Variants in ZNF827 observed in about 807,000 individuals in gnomAD.
ZNF827 encodes zinc finger protein 827.
ZNF827 carries 13 observed loss-of-function variants against 102.4 expected under a neutral mutation model. The observed-to-expected ratio is 0.13, with a 90% CI of 0.08 to 0.20. The LOEUF is 0.20. Among genes scored for constraint, ZNF827 ranks in the 10% least tolerant of loss-of-function variants. The pLI, the probability that ZNF827 is intolerant of heterozygous loss-of-function variation, is 1.00. For missense variants in ZNF827, 1,103 were observed against 1,344.4 expected (o/e 0.82, Z 2.81); for synonymous variants, 523 against 536.2 (o/e 0.98, Z 0.34).
intron 8 of ZNF827, among the ~76,000 whole-genome samples, chr4:145,796,623 CTT>C (rs34553120): frequency 3.5e-5 from 4 of 113,946 alleles, no homozygotes; most frequent in African/African-American, 7.3e-5. Context: ...ATTTGTTCCT[CTT>C]TTTTTTTTTT....
chr4:145,936,577 C>T (rs1278270188), intron 1 of ZNF827, among the ~76,000 whole-genome samples: 1 of 152,310 alleles, frequency 6.6e-6, no homozygotes, highest in East Asian at 1.9e-4. Context: ...CTCGCCACTT[C>T]GGCTGCGGCC....
At chr4:145,775,672 G>A in intron 10 of ZNF827, 117 bp downstream of exon 10, 2 of 1,262,616 alleles carry the variant, frequency 1.6e-6, no homozygotes, top group Non-Finnish European at 2.2e-6. Flanking sequence ...CTCAAATGAA[G>A]GCCAGGCTAT....
intron 4 of ZNF827, among the ~76,000 whole-genome samples, chr4:145,875,730 T>G (rs1416088966): frequency 6.6e-6 from 1 of 152,176 alleles, no homozygotes. Flanking sequence ...TGAACTGCTC[T>G]GTGAAAAAGC....
At chr4:145,869,776 T>C (rs765980794) in intron 5 of ZNF827, among the ~76,000 whole-genome samples, 1 of 152,218 alleles carries the variant, frequency 6.6e-6, no homozygotes, top group African/African-American at 2.4e-5. Flanking sequence ...AAATCTCTTA[T>C]TGCCACTCTA....
chr4:145,830,983 T>C (rs975120414), intron 7 of ZNF827: 2 of 152,242 alleles, frequency 1.3e-5, no homozygotes, highest in African/African-American at 4.8e-5. Flanking sequence ...TCAGGGCCAG[T>C]TGTCTTACTA....
intron 8 of ZNF827, among the ~76,000 whole-genome samples, chr4:145,805,721 T>C (rs1429832536): frequency 6.6e-6 from 1 of 152,180 alleles, no homozygotes; most frequent in African/African-American, 2.4e-5. Flanking sequence ...GTCCATGCTA[T>C]TTCAGATGAC....
At chr4:145,910,028 A>G (rs930669129) in intron 1 of ZNF827, among the ~76,000 whole-genome samples, 2 of 152,118 alleles carry the variant, frequency 1.3e-5, no homozygotes, top group African/African-American at 4.8e-5. Context: ...GTTATTTAAA[A>G]CTGCCAGGGT....
intron 4 of ZNF827, among the ~76,000 whole-genome samples, chr4:145,882,644 T>C (rs1201221206): frequency 1.3e-5 from 2 of 152,212 alleles, no homozygotes; most frequent in Non-Finnish European, 2.9e-5. Context: ...CTCCCCTTAA[T>C]AACCAGGCAA....
At chr4:145,839,884 C>G (rs1745251201) in intron 7 of ZNF827, among the ~76,000 whole-genome samples, 1 of 152,212 alleles carries the variant, frequency 6.6e-6, no homozygotes, top group African/African-American at 2.4e-5. Context: ...AGGCACAGCC[C>G]TCTTCAGATC....
intron 3 of ZNF827, among the ~76,000 whole-genome samples, chr4:145,888,063 T>C (rs1277398392): frequency 6.6e-6 from 1 of 152,246 alleles, no homozygotes; most frequent in Admixed American, 6.5e-5. Context: ...AAAAACCGTC[T>C]ATGTGCATGT....
rs541406340 is a variant in ZNF827 at position 145,908,344 on chromosome 4, C to T, written c.44-5129G>A. ...ACTTGAATTCTTAGGACTCACCTGG[C>T]ATAGGATTGGAGAGATGCTTTCTCA... On this transcript the variant is annotated intron_variant, in intron 1 of 14. Transcript: ENST00000508784. Among the ~76,000 whole-genome samples the T allele has an allele frequency of 1.5e-3, 235 of 152,302 alleles. 1 individual carries two copies. Among genetic ancestry groups the T allele is most frequent in the African/African-American group, 5.5e-3 (230 of 41,574 alleles).
chr4:145,869,015 T>C (rs1329551597), intron 5 of ZNF827, among the ~76,000 whole-genome samples: 1 of 152,246 alleles, frequency 6.6e-6, no homozygotes, highest in Non-Finnish European at 1.5e-5. Context: ...ATTCAGCTTT[T>C]ATAATAGCAA....
chr4:145,932,513 C>G (rs1428865445), intron 1 of ZNF827, among the ~76,000 whole-genome samples: 4 of 149,078 alleles, frequency 2.7e-5, no homozygotes, highest in East Asian at 2.0e-4. Context: ...CTCGCTCTGT[C>G]GAACAGGCTG....
At chr4:145,930,555 A>G (rs1190062719) in intron 1 of ZNF827, among the ~76,000 whole-genome samples, 1 of 152,240 alleles carries the variant, frequency 6.6e-6, no homozygotes, top group Non-Finnish European at 1.5e-5. Context: ...ACTTGGTTGA[A>G]TTAGGATTTT....
At chr4:145,776,996 T>C (rs548581787) in intron 9 of ZNF827, among the ~76,000 whole-genome samples, 7 of 152,316 alleles carry the variant, frequency 4.6e-5, no homozygotes, top group African/African-American at 1.7e-4. Flanking sequence ...TAGCAGAAGA[T>C]GAAGGAAAGA....
intron 1 of ZNF827, among the ~76,000 whole-genome samples, chr4:145,910,192 C>T (rs1485158013): frequency 6.6e-6 from 1 of 152,120 alleles, no homozygotes; most frequent in Non-Finnish European, 1.5e-5. Flanking sequence ...CACACAGCAA[C>T]ATTTTCAAAT....
intron 1 of ZNF827, among the ~76,000 whole-genome samples, chr4:145,913,960 A>G (rs1257168774): frequency 6.6e-6 from 1 of 152,146 alleles, no homozygotes; most frequent in African/African-American, 2.4e-5. Flanking sequence ...CCCTAACCAT[A>G]TAACAATGCA....
Position 145,760,526 on chromosome 4 carries a change from G to C in ZNF827, c.*1090C>G, listed in dbSNP as rs937573611. 6.4e-6 allele frequency: 1 copy of C among 157,166 alleles called. No individual in the cohort carries two copies. Among genetic ancestry groups the C allele is most frequent in the African/African-American group, 2.4e-5 (1 of 41,486 alleles). The allele number at this position is 157,166 out of a possible 1,614,324, so 9.7% of individuals were successfully genotyped here. On this transcript the variant is annotated 3_prime_UTR_variant, in exon 15 of 15. Coordinates refer to ENST00000508784, the MANE Select transcript of ZNF827 (RefSeq NM_001306215.2). ...TGGGTGGCTGGGGAGGCATGCCTCTGAAGGTAGAAGTATGCAGTAGGTCAC... is the reference window on the plus strand; with the variant it reads ...TGGGTGGCTGGGGAGGCATGCCTCTCAAGGTAGAAGTATGCAGTAGGTCAC...
At chr4:145,773,227 C>A (rs1178777334) in intron 11 of ZNF827, among the ~76,000 whole-genome samples, 2 of 152,234 alleles carry the variant, frequency 1.3e-5, no homozygotes, top group African/African-American at 4.8e-5. Context: ...TCCCAGCTCA[C>A]CTGCTGCCCA....
Sources: gnomAD v4.1 joint callset for allele counts (sites outside exome capture counted in the v4.1 genomes callset) on GRCh38, gnomAD v4.1.1 for gene constraint, MANE v1.5 for transcripts, NCBI Gene and HGNC (gene_info 2026-07-23, HGNC 2026-07-21) for gene names.